The following CDH22 variants were observed in gnomAD, a reference collection of about 807,000 sequenced individuals.
CDH22 encodes the protein cadherin 22.
A neutral mutation model predicts 58.4 loss-of-function variants in CDH22; 30 were observed. That is an observed-to-expected ratio of 0.51 (90% CI 0.38 to 0.70). The LOEUF (loss-of-function observed/expected upper bound fraction) is 0.70, where lower values mean the gene tolerates loss of function less well. CDH22 is among the 30% of genes least tolerant of loss of function. CDH22 has a pLI of 0.00. For missense variants in CDH22, 1,014 were observed against 1,233.9 expected, an observed-to-expected ratio of 0.82 and a Z score of 2.67; for synonymous variants, 513 against 558.2, an observed-to-expected ratio of 0.92 and a Z score of 1.14.
intron 1 of CDH22, among the ~76,000 whole-genome samples, chr20:46,286,873 A>C (rs1385222140): frequency 6.6e-6 from 1 of 152,122 alleles, no homozygotes; most frequent in Non-Finnish European, 1.5e-5. Context: ...TCTGTCTGCC[A>C]TTCAGGGTCC....
intron 7 of CDH22, among the ~76,000 whole-genome samples, chr20:46,207,355 C>CT (rs1320021044): frequency 6.6e-6 from 1 of 152,118 alleles, no homozygotes; most frequent in Non-Finnish European, 1.5e-5. Flanking sequence ...GATGGGAGGA[C>CT]TGACCTGGGG....
chr20:46,285,059 C>T (rs1277463425), intron 1 of CDH22, among the ~76,000 whole-genome samples: 1 of 152,192 alleles, frequency 6.6e-6, no homozygotes. Context: ...CCCCAACAGC[C>T]CCAGACTTCT....
Position 46,300,889 on chromosome 20 carries a change from C to T in CDH22, c.-400+7366G>A, listed in dbSNP as rs1426296985. On this transcript the variant is annotated intron_variant, in intron 1 of 11. Transcript: ENST00000537909. This position sits in a 1 kb window ranked among gnomAD's most constrained non-coding sequence, Gnocchi z 4.4. ...GTAATAGCGAAGGACTGGAAACAAC[C>T]CAAATGTCCAACAGTGGGGGCTGGT... is the stretch of plus-strand genomic sequence containing the variant. Among the ~76,000 whole-genome samples, 1 of 152,098 alleles carries T rather than the reference C, an allele frequency of 6.6e-6. No individual in the cohort carries two copies. The highest frequency in any genetic ancestry group is 1.5e-5 in the Non-Finnish European group (1 of 68,020).
intron 1 of CDH22, among the ~76,000 whole-genome samples, chr20:46,307,712 G>T (rs2059030213): frequency 6.6e-6 from 1 of 151,952 alleles, no homozygotes; most frequent in Admixed American, 6.5e-5. Context: ...CCCCGGACGC[G>T]GCACGACCTC....
In CDH22 at chr20:46,223,699, TTCTTTCTTTCTTTCTTTTTCTTTCTTTC is replaced by T. The variant is rs1305433307; in HGVS notation, c.670+3781_670+3808del. ...TTTCTTTCTTTCTTTCTTTCTTTCT[TTCTTTCTTTCTTTCTTTTTCTTTCTTTC>T]TCTTTCTTTCTTTCTCTTTCCTCTT... is the stretch of plus-strand genomic sequence containing the variant. On this transcript the variant is annotated intron_variant, in intron 4 of 11. Coordinates refer to ENST00000537909, the MANE Select transcript of CDH22 (RefSeq NM_021248.3). 2.1e-3 allele frequency among the ~76,000 whole-genome samples: 161 copies of T among 75,482 alleles called. 1 individual carries two copies. The highest frequency in any genetic ancestry group is 0.02 in the South Asian group (47 of 2,406). The allele number at this position is 75,482 out of a possible 152,430, so 49.5% of individuals were successfully genotyped here.
intron 1 of CDH22, among the ~76,000 whole-genome samples, chr20:46,294,128 G>T (rs2145779452): frequency 6.6e-6 from 1 of 152,252 alleles, no homozygotes; most frequent in Non-Finnish European, 1.5e-5. Context: ...CTTAAAAGGG[G>T]GCAGCTTTAT....
chr20:46,287,995 G>C (rs950474418), intron 1 of CDH22, among the ~76,000 whole-genome samples: 2 of 152,166 alleles, frequency 1.3e-5, no homozygotes, highest in South Asian at 2.1e-4. Flanking sequence ...GGAATGCTAC[G>C]GGGAGCTGCA....
At chr20:46,278,400 G>A (rs2086531913) in intron 1 of CDH22, among the ~76,000 whole-genome samples, 1 of 152,124 alleles carries the variant, frequency 6.6e-6, no homozygotes, top group Non-Finnish European at 1.5e-5. Flanking sequence ...TCAGCTCCAG[G>A]AGACTAGAAC....
intron 1 of CDH22, among the ~76,000 whole-genome samples, chr20:46,270,672 G>T (rs577190825): frequency 4.6e-5 from 7 of 152,306 alleles, no homozygotes; most frequent in South Asian, 4.1e-4. Flanking sequence ...TACTCCAGGG[G>T]CTCTGTGCAG....
At chr20:46,198,084 G>A (rs1322135162) in intron 8 of CDH22, among the ~76,000 whole-genome samples, 2 of 152,056 alleles carry the variant, frequency 1.3e-5, no homozygotes, top group African/African-American at 4.8e-5. Context: ...GGGCTGATGG[G>A]GTAGAGAAGC....
Position 46,272,097 on chromosome 20 carries a change from A to G in CDH22, c.-399-20404T>C, listed in dbSNP as rs78506396. On this transcript the variant is annotated intron_variant, in intron 1 of 11. Coordinates refer to ENST00000537909, the MANE Select transcript of CDH22 (RefSeq NM_021248.3). ...GGCATCTCTCATCCCTGCACCCCCA[A>G]TGGGCAATCTATTAAGTCTGGTCCA... 4.2e-3 allele frequency among the ~76,000 whole-genome samples: 643 copies of G among 152,310 alleles called. 5 individuals carry two copies. Among genetic ancestry groups the G allele is most frequent in the African/African-American group, 0.014 (586 of 41,564 alleles).
chr20:46,178,169 G>A lies in CDH22; in HGVS notation c.1692C>T (p.His564=), dbSNP rs145141491. ...CCTGCTCCTGCCGGTTGAAGCCCAC[G>A]TGCTGCGTGTGCACTGCAGCGGTGT... ...QDNTAAVHTQ[H]VGFNRQEQDV... is the part of the protein sequence containing the mutation. Residue 564 remains histidine (H), a synonymous_variant, in exon 11 of 12, where the codon CAC becomes CAT. Coordinates refer to ENST00000537909, the MANE Select transcript of CDH22 (RefSeq NM_021248.3). The A allele has an allele frequency of 1.2e-5, 19 of 1,613,804 alleles. No homozygotes were observed. Among genetic ancestry groups the A allele is most frequent in the African/African-American group, 8.0e-5 (6 of 74,924 alleles).
intron 7 of CDH22, among the ~76,000 whole-genome samples, chr20:46,199,908 C>CTTCT (rs1159290682): frequency 1.3e-5 from 2 of 150,946 alleles, no homozygotes; most frequent in Non-Finnish European, 2.9e-5. Flanking sequence ...CTTTTCTTTT[C>CTTCT]TTCTTTCTTT....
chr20:46,203,438 ATG>A (rs1338975312), intron 7 of CDH22, among the ~76,000 whole-genome samples: 1 of 152,072 alleles, frequency 6.6e-6, no homozygotes, highest in East Asian at 1.9e-4. Context: ...TGGCGTGAAT[ATG>A]TGAGTGGTGT....
At chr20:46,223,847 T>G (rs2145706010) in intron 4 of CDH22, among the ~76,000 whole-genome samples, 1 of 149,906 alleles carries the variant, frequency 6.7e-6, no homozygotes, top group East Asian at 2.0e-4. Flanking sequence ...CCTTCCTTCC[T>G]TCCTTCTTTC....
intron 1 of CDH22, among the ~76,000 whole-genome samples, chr20:46,284,202 T>G (rs1600726658): frequency 6.9e-6 from 1 of 144,958 alleles, no homozygotes. Context: ...CTTCCTGGAG[T>G]GCATGACAGG....
At chr20:46,188,106 T>C (rs1012877879) in intron 8 of CDH22, among the ~76,000 whole-genome samples, 6 of 152,226 alleles carry the variant, frequency 3.9e-5, no homozygotes, top group Non-Finnish European at 7.3e-5. Context: ...ATGTAAATTC[T>C]AATATATTAA....
chr20:46,186,766 T>C, intron 9 of CDH22, 60 bp downstream of exon 9: 1 of 1,599,752 alleles, frequency 6.3e-7, no homozygotes, highest in Non-Finnish European at 8.5e-7. Context: ...TGGGTCGAGG[T>C]AGAGGATGCT....
At chr20:46,248,041 C>T (rs913458859) in intron 2 of CDH22, among the ~76,000 whole-genome samples, 9 of 152,128 alleles carry the variant, frequency 5.9e-5, no homozygotes, top group African/African-American at 1.4e-4. Flanking sequence ...GAAGTGAGCA[C>T]GGAGATTGTG....
Sources: allele counts gnomAD v4.1 joint callset (sites outside exome capture counted in the v4.1 genomes callset), GRCh38; gene constraint gnomAD v4.1.1; non-coding constraint Gnocchi (gnomAD v3.1); transcripts MANE v1.5; gene names NCBI Gene and HGNC (gene_info 2026-07-23, HGNC 2026-07-21).